The following EFCAB5 variants were observed in gnomAD, a reference collection of about 807,000 sequenced individuals.
The protein encoded by EFCAB5 is EF-hand calcium-binding domain-containing protein 5.
In EFCAB5, 131 loss-of-function variants were observed where a neutral mutation model predicts 167.9. That is an observed-to-expected ratio of 0.78 (90% CI 0.68 to 0.90). The LOEUF (loss-of-function observed/expected upper bound fraction) is 0.90, where lower values mean the gene tolerates loss of function less well. EFCAB5 is among the 40% of genes least tolerant of loss of function. The pLI, the probability that EFCAB5 is intolerant of heterozygous loss-of-function variation, is 0.00. For synonymous variants in EFCAB5, 574 were observed against 602.8 expected (o/e 0.95, Z 0.70); for missense variants, 1,663 against 1,745.2 (o/e 0.95, Z 0.84).
intron 3 of EFCAB5, among the ~76,000 whole-genome samples, chr17:29,943,859 C>A: frequency 6.6e-6 from 1 of 152,010 alleles, no homozygotes. Flanking sequence ...CCTGTAATCC[C>A]AGCTACTCTG....
intron 4 of EFCAB5, among the ~76,000 whole-genome samples, chr17:29,984,485 C>G (rs563111688): frequency 1.3e-5 from 2 of 151,982 alleles, no homozygotes; most frequent in South Asian, 4.2e-4. Flanking sequence ...TTTGGGAGGC[C>G]GAGGTGAGCG....
chr17:30,090,776 C>T (rs529730139), intron 20 of EFCAB5, 102 bp downstream of exon 20: 11 of 1,429,668 alleles, frequency 7.7e-6, no homozygotes, highest in Non-Finnish European at 1.0e-5. Flanking sequence ...TGAATTGTTA[C>T]AACATACACA....
chr17:29,956,536 A>G lies in EFCAB5; in HGVS notation c.191-12255A>G, dbSNP rs558907860. Among the ~76,000 whole-genome samples the G allele has an allele frequency of 7.9e-5, 12 of 152,380 alleles. No homozygotes were observed. In the South Asian group the frequency reaches 1.0e-3, roughly 13 times the overall value. On this transcript the variant is annotated intron_variant, in intron 3 of 22. Transcript: ENST00000394835. ...TGCTGTGATTGGCTCACACTCAGCT[A>G]CTTGTTACAACAGTAGGTTATGGTC...
chr17:29,954,881 C>T (rs1345094262), intron 3 of EFCAB5, among the ~76,000 whole-genome samples: 1 of 152,246 alleles, frequency 6.6e-6, no homozygotes, highest in African/African-American at 2.4e-5. Context: ...CCTCTTACAT[C>T]AGTGTGACCT....
chr17:29,946,983 G>T (rs2067414321), intron 3 of EFCAB5, among the ~76,000 whole-genome samples: 1 of 151,400 alleles, frequency 6.6e-6, no homozygotes, highest in African/African-American at 2.4e-5. Context: ...AAGAGATCGA[G>T]ACCATCCTGG....
intron 3 of EFCAB5, among the ~76,000 whole-genome samples, chr17:29,967,540 C>T (rs987464031): frequency 2.0e-5 from 3 of 152,178 alleles, no homozygotes; most frequent in Non-Finnish European, 4.4e-5. Flanking sequence ...TGGTCTCCAC[C>T]GTATCTTTTT....
intron 7 of EFCAB5, among the ~76,000 whole-genome samples, chr17:30,026,450 A>T (rs1275701380): frequency 6.6e-6 from 1 of 152,114 alleles, no homozygotes; most frequent in African/African-American, 2.4e-5. Flanking sequence ...CTGACAGAGG[A>T]TCTACTCTTT....
In EFCAB5 at chr17:30,080,848, A is replaced by G; in HGVS notation, c.3293A>G (p.Asp1098Gly). The change falls in exon 17 of 23, where the codon GAT (aspartate) becomes GGT (glycine). Residue 1098 changes from aspartate to glycine, a missense_variant. By Grantham distance (94) the Asp-to-Gly change is moderately conservative. Transcript: ENST00000394835. ...TGGAACCAGTCCCGTAATAAGCATG[A>G]TTATAATGGTTCATTCCTGGCTCTG... ...FFWNQSRNKH[D>G]YNGSFLALPL... The G allele has an allele frequency of 3.1e-6, 5 of 1,613,860 alleles. No homozygotes were observed. Among genetic ancestry groups the G allele is most frequent in the Non-Finnish European group, 4.2e-6 (5 of 1,179,816 alleles).
chr17:30,049,307 C>T (rs948893352), intron 8 of EFCAB5, among the ~76,000 whole-genome samples: 3 of 152,024 alleles, frequency 2.0e-5, no homozygotes, highest in Non-Finnish European at 4.4e-5. Flanking sequence ...TGGTGAAACC[C>T]TGTCTCTACT....
At chr17:29,973,600 C>A (rs1467685681) in intron 4 of EFCAB5, among the ~76,000 whole-genome samples, 2 of 149,616 alleles carry the variant, frequency 1.3e-5, no homozygotes, top group African/African-American at 4.9e-5. Context: ...GCCTCAGCCT[C>A]CTGAGTAGCT....
intron 14 of EFCAB5, chr17:30,069,574 C>A (rs1052925351): frequency 6.2e-6 from 10 of 1,613,286 alleles, no homozygotes; most frequent in Non-Finnish European, 8.5e-6. Context: ...GCGTATGGAT[C>A]CTCTTCTTCC....
rs1446268436 is a variant in EFCAB5, at chr17:30,028,414, T to C, written c.1045-5816T>C. On this transcript the variant is annotated intron_variant, in intron 7 of 22. Transcript: ENST00000394835. ...TTTTGCTTGTTTTGCTCATTTTGTT[T>C]TTTATGTGCTTTGAGCTGTAGCATG... is the stretch of plus-strand genomic sequence containing the variant. 1.7e-4 allele frequency among the ~76,000 whole-genome samples: 26 copies of C among 152,234 alleles called. 1 individual carries two copies. Among genetic ancestry groups the C allele is most frequent in the Admixed American group, 1.7e-3 (26 of 15,276 alleles).
chr17:30,107,898 A>ACACAT lies in EFCAB5; in HGVS notation c.4388_4392dup (p.Cys1465ThrfsTer7). ...TCATTGAACATCTATACCACTGGAT[A>ACACAT]CACATCTGTTCAGCTCTCATGAAGA... On this transcript the variant is annotated frameshift_variant, in exon 23 of 23. Coordinates refer to ENST00000394835, the MANE Select transcript of EFCAB5 (RefSeq NM_198529.4). LOFTEE classifies it low-confidence loss of function (END_TRUNC). The ACACAT allele has an allele frequency of 6.2e-7, 1 of 1,608,824 alleles. No homozygotes were observed. The highest frequency in any genetic ancestry group is 2.3e-5 in the East Asian group (1 of 44,380).
intron 7 of EFCAB5, among the ~76,000 whole-genome samples, chr17:30,004,644 G>A (rs866669557): frequency 3.0e-5 from 4 of 135,016 alleles, no homozygotes; most frequent in African/African-American, 1.1e-4. Context: ...TTTTTGAGAT[G>A]GAGTCTTGCT....
chr17:30,021,534 A>G (rs1468769585), intron 7 of EFCAB5, among the ~76,000 whole-genome samples: 1 of 150,290 alleles, frequency 6.7e-6, no homozygotes, highest in Non-Finnish European at 1.5e-5. Context: ...ATATATATAA[A>G]CAAATATAAT....
At chr17:30,047,096 C>T (rs1051287106) in intron 8 of EFCAB5, among the ~76,000 whole-genome samples, 1 of 152,148 alleles carries the variant, frequency 6.6e-6, no homozygotes, top group Non-Finnish European at 1.5e-5. Flanking sequence ...TTAGCAGTAA[C>T]ATTTTTGATA....
intron 14 of EFCAB5, among the ~76,000 whole-genome samples, chr17:30,077,919 T>C (rs2070901107): frequency 1.3e-5 from 2 of 152,162 alleles, no homozygotes; most frequent in Admixed American, 1.3e-4. Context: ...AGTGGTTTAT[T>C]GGATATGGAA....
At chr17:29,941,631 T>G, upstream of EFCAB5, 1 of 554,362 alleles carries the variant, frequency 1.8e-6, no homozygotes, top group Non-Finnish European at 3.2e-6. Flanking sequence ...CAGTTGAGAA[T>G]TTATCATTCA....
intron 4 of EFCAB5, among the ~76,000 whole-genome samples, chr17:29,989,514 A>T (rs2068365858): frequency 6.6e-6 from 1 of 152,224 alleles, no homozygotes; most frequent in Non-Finnish European, 1.5e-5. Flanking sequence ...AGCTCAGCTA[A>T]GGGAATAGTA....
Sources: gnomAD v4.1 joint callset for allele counts (sites outside exome capture counted in the v4.1 genomes callset) on GRCh38, gnomAD v4.1.1 for gene constraint, MANE v1.5 for transcripts, NCBI Gene and HGNC (gene_info 2026-07-23, HGNC 2026-07-21) for gene names.